The following MAPK8IP1 variants were observed in gnomAD, a reference collection of about 807,000 sequenced individuals.
MAPK8IP1 encodes the protein mitogen-activated protein kinase 8 interacting protein 1.
MAPK8IP1 carries 17 observed loss-of-function variants against 72.6 expected under a neutral mutation model. The ratio of observed to expected loss-of-function variants is 0.23; its 90% confidence interval spans 0.16 to 0.35. The LOEUF (loss-of-function observed/expected upper bound fraction) is 0.35, where lower values mean the gene tolerates loss of function less well. Ranked by LOEUF, MAPK8IP1 falls within the 10% of genes least tolerant of loss-of-function variation. MAPK8IP1 has a pLI of 1.00. For missense variants in MAPK8IP1, 789 were observed against 1,009.7 expected, an observed-to-expected ratio of 0.78 and a Z score of 2.96; for synonymous variants, 401 against 443.4, an observed-to-expected ratio of 0.90 and a Z score of 1.20.
At chr11:45,894,850 T>A (rs1332607521) in intron 1 of MAPK8IP1, among the ~76,000 whole-genome samples, 3 of 151,590 alleles carry the variant, frequency 2.0e-5, no homozygotes, top group Non-Finnish European at 2.9e-5. Context: ...AGCCAGGGGG[T>A]GGGAAGTGGG....
In MAPK8IP1 at chr11:45,902,997, C is replaced by G. The variant is rs1052752321; in HGVS notation, c.1230C>G (p.Ala410=). Residue 410 remains alanine (A), a synonymous_variant, in exon 5 of 12, where the codon GCC becomes GCG. Coordinates refer to ENST00000241014, the MANE Select transcript of MAPK8IP1 (RefSeq NM_005456.4). The surrounding 1 kb of genome is among the most constrained non-coding windows in gnomAD (Gnocchi z 9.3). ...FGDYSDESDS[A]TVYDNCASVS... ...ACTACAGTGACGAGAGTGACTCTGCCACCGTCTATGACAACTGTGCCTCCG... is the reference window on the plus strand; with the variant it reads ...ACTACAGTGACGAGAGTGACTCTGCGACCGTCTATGACAACTGTGCCTCCG... 4 of 1,611,874 alleles carry G rather than the reference C, an allele frequency of 2.5e-6. No individual in the cohort carries two copies. The highest frequency in any genetic ancestry group is 3.4e-6 in the Non-Finnish European group (4 of 1,179,880).
At position 45,903,109 on chromosome 11, in the gene MAPK8IP1, A is replaced by G. The variant is rs1458534055; in HGVS notation, c.1342A>G (p.Thr448Ala). 6 of 1,610,466 alleles carry G rather than the reference A, an allele frequency of 3.7e-6. No homozygotes were observed. The highest frequency in any genetic ancestry group is 5.1e-6 in the Non-Finnish European group (6 of 1,179,152). The change falls in exon 5 of 12, where the codon ACG (threonine) becomes GCG (alanine). Residue 448 changes from threonine (T) to alanine (A), a missense_variant. By Grantham distance (58) the Thr-to-Ala change is moderately conservative. Around this residue, in one of 4 missense-constraint regions of MAPK8IP1, gnomAD observed 377 missense variants for 411.7 expected, o/e 0.92. Transcript: ENST00000241014. This position sits in a 1 kb window ranked among gnomAD's most constrained non-coding sequence, Gnocchi z 6.4. ...CCCTGCCTGCCTCTCCGAGGACTCC[A>G]CGCCTGATGAACCCGACGTCCATTT... Reference protein sequence around the residue: ...QPPACLSEDSTPDEPDVHFSK... With the variant: ...QPPACLSEDSAPDEPDVHFSK...
In MAPK8IP1 at chr11:45,902,157, A is replaced by G; in HGVS notation, c.604+96A>G. The G allele has an allele frequency of 8.4e-7, 1 of 1,186,472 alleles. No individual in the cohort carries two copies. The highest frequency in any genetic ancestry group is 1.3e-6 in the Non-Finnish European group (1 of 790,218). 73.5% of individuals were successfully genotyped at this position (1,186,472 alleles called of 1,614,324 possible). A position where few individuals can be genotyped will look rare whatever the true frequency, so the allele number is the denominator to read the frequency against. On this transcript the variant is annotated intron_variant, in intron 4 of 11. Coordinates refer to ENST00000241014, the MANE Select transcript of MAPK8IP1 (RefSeq NM_005456.4). This position sits in a 1 kb window ranked among gnomAD's most constrained non-coding sequence, Gnocchi z 9.3. ...CCCTACAGTCTCCAAAGGGCTGAGT[A>G]GAGGTGAACTGCCCACCCACATCCC...
chr11:45,889,178 T>C (rs987837252), intron 1 of MAPK8IP1, among the ~76,000 whole-genome samples: 1 of 152,264 alleles, frequency 6.6e-6, no homozygotes, highest in African/African-American at 2.4e-5. Flanking sequence ...CTTATACATA[T>C]AGCCTCAAGG....
chr11:45,893,207 C>T (rs1239750638), intron 1 of MAPK8IP1, among the ~76,000 whole-genome samples: 3 of 151,546 alleles, frequency 2.0e-5, no homozygotes, highest in African/African-American at 7.3e-5. Flanking sequence ...CTTTGCTTTA[C>T]ATACACTTCT....
At position 45,893,830 on chromosome 11, in the gene MAPK8IP1, C is replaced by T. The variant is rs139772789; in HGVS notation, c.102-4255C>T. Among the ~76,000 whole-genome samples the T allele has an allele frequency of 4.9e-3, 742 of 150,928 alleles. 9 individuals carry two copies. Among genetic ancestry groups the T allele is most frequent in the South Asian group, 0.013 (61 of 4,772 alleles). On this transcript the variant is annotated intron_variant, in intron 1 of 11. Transcript: ENST00000241014. ...TCCTCCCTCCTCCTTTCCCTCCCTT[C>T]CCCACATTGACCTTCCATGAGCCTT...
chr11:45,905,872 G>A lies in MAPK8IP1; in HGVS notation c.*151G>A. 1 of 727,732 alleles carries A rather than the reference G, an allele frequency of 1.4e-6. No individual in the cohort carries two copies. Among genetic ancestry groups the A allele is most frequent in the Non-Finnish European group, 2.4e-6 (1 of 408,844 alleles). 45.1% of individuals were successfully genotyped at this position (727,732 alleles called of 1,614,324 possible). ...CCGCTGGCCCAGGGTAGGGGAGGGT[G>A]GGGCAATGGGGAGAGGCAAATGCAG... On this transcript the variant is annotated 3_prime_UTR_variant, in exon 12 of 12. Transcript: ENST00000241014.
chr11:45,902,341 C>A lies in MAPK8IP1; in HGVS notation c.605-31C>A. On this transcript the variant is annotated intron_variant, in intron 4 of 11. Transcript: ENST00000241014. The surrounding 1 kb of genome is among the most constrained non-coding windows in gnomAD (Gnocchi z 9.3). ...CAGGTAGCTGGGAGTTGGGAGAGAG[C>A]CCCTGCCTTCATGACCTGCCTGCTC... 6 of 1,514,272 alleles carry A rather than the reference C, an allele frequency of 4.0e-6. No homozygotes were observed. In the South Asian group the frequency reaches 7.2e-5, roughly 18 times the overall value. The allele number at this position is 1,514,272 out of a possible 1,614,324, so 93.8% of individuals were successfully genotyped here. A position where few individuals can be genotyped will look rare whatever the true frequency, so the allele number is the denominator to read the frequency against.
intron 1 of MAPK8IP1, among the ~76,000 whole-genome samples, chr11:45,891,042 G>A (rs553550157): frequency 2.6e-5 from 4 of 152,196 alleles, no homozygotes; most frequent in Non-Finnish European, 5.9e-5. Context: ...CCTTGGCCTG[G>A]CTCCTGATGG....
intron 1 of MAPK8IP1, among the ~76,000 whole-genome samples, chr11:45,891,446 G>C (rs1253153748): frequency 1.3e-5 from 2 of 152,180 alleles, no homozygotes; most frequent in Non-Finnish European, 2.9e-5. Flanking sequence ...GGTGTGCAGG[G>C]TTTTGGGCTT....
At position 45,903,890 on chromosome 11, in the gene MAPK8IP1, T is replaced by C; in HGVS notation, c.1494-99T>C. The stretch of plus-strand genomic sequence containing the variant: ...CACACAGGATGCTTTTGCAAATGTT[T>C]ACTGAAATAACGATGCTGCTGTGGC... On this transcript the variant is annotated intron_variant, in intron 6 of 11. Transcript: ENST00000241014. The surrounding 1 kb of genome is among the most constrained non-coding windows in gnomAD (Gnocchi z 6.4). 1 of 1,144,204 alleles carries C rather than the reference T, an allele frequency of 8.7e-7. No homozygotes were observed. The highest frequency in any genetic ancestry group is 1.2e-5 in the South Asian group (1 of 81,140). 70.9% of individuals were successfully genotyped at this position (1,144,204 alleles called of 1,614,324 possible).
In MAPK8IP1 at chr11:45,903,975, C is replaced by T. The variant is rs370124285; in HGVS notation, c.1494-14C>T. ...CTTGGTGCCGAATTTCTCACCTGTC[C>T]TTGCTGGGGACAGGTTTGTGCCTCG... On this transcript the variant is annotated splice_polypyrimidine_tract_variant and intron_variant, in intron 6 of 11. Coordinates refer to ENST00000241014, the MANE Select transcript of MAPK8IP1 (RefSeq NM_005456.4). The surrounding 1 kb of genome is among the most constrained non-coding windows in gnomAD (Gnocchi z 6.4). The T allele has an allele frequency of 9.3e-6, 15 of 1,612,388 alleles. No homozygotes were observed. The African/African-American group carries it at 1.9e-4, about 20-fold the overall frequency.
At position 45,900,177 on chromosome 11, in the gene MAPK8IP1, G is replaced by A; in HGVS notation, c.247G>A (p.Ala83Thr). Reference sequence around the variant, plus strand: ...GCTGCTCTCTGCGGGCGGCGGCGGCGCGGGGAGCCGGTTGCAGGCCGAGAT... The same window carrying A: ...GCTGCTCTCTGCGGGCGGCGGCGGCACGGGGAGCCGGTTGCAGGCCGAGAT... ...AGLLSAGGGG[A>T]GSRLQAEMLQ... Residue 83 changes from alanine (A) to threonine (T), a missense_variant, in exon 3 of 12, where the codon GCG becomes ACG. By Grantham distance (58) the Ala-to-Thr change is moderately conservative (BLOSUM62 0). Transcript: ENST00000241014. This position sits in a 1 kb window ranked among gnomAD's most constrained non-coding sequence, Gnocchi z 6.5. 3.8e-6 allele frequency: 5 copies of A among 1,312,854 alleles called. No individual in the cohort carries two copies. Among genetic ancestry groups the A allele is most frequent in the Non-Finnish European group, 4.8e-6 (5 of 1,038,126 alleles). 81.3% of individuals were successfully genotyped at this position (1,312,854 alleles called of 1,614,324 possible). A position where few individuals can be genotyped will look rare whatever the true frequency, so the allele number is the denominator to read the frequency against.
chr11:45,904,289 CT>C lies in MAPK8IP1; in HGVS notation c.1666+132del. The C allele has an allele frequency of 7.9e-7, 1 of 1,265,916 alleles. No individual in the cohort carries two copies. Among genetic ancestry groups the C allele is most frequent in the Non-Finnish European group, 1.1e-6 (1 of 888,606 alleles). The allele number at this position is 1,265,916 out of a possible 1,614,324, so 78.4% of individuals were successfully genotyped here. ...GGCTGAGTGGAAGTGATTTTAGGTC[CT>C]TTTCACGATCAAGCAAAGTGAGGCC... is the stretch of plus-strand genomic sequence containing the variant. On this transcript the variant is annotated intron_variant, in intron 7 of 11. Coordinates refer to ENST00000241014, the MANE Select transcript of MAPK8IP1 (RefSeq NM_005456.4). This position sits in a 1 kb window ranked among gnomAD's most constrained non-coding sequence, Gnocchi z 6.4.
intron 1 of MAPK8IP1, among the ~76,000 whole-genome samples, chr11:45,889,299 T>G (rs2134664514): frequency 6.6e-6 from 1 of 152,346 alleles, no homozygotes; most frequent in South Asian, 2.1e-4. Context: ...ATGTTGGTGC[T>G]CAAACATTTA....
chr11:45,891,989 C>G (rs758615662), intron 1 of MAPK8IP1, among the ~76,000 whole-genome samples: 11 of 152,222 alleles, frequency 7.2e-5, no homozygotes, highest in African/African-American at 9.6e-5. Context: ...AGAGTTCTTG[C>G]AATGTATCAG....
Position 45,893,705 on chromosome 11 carries a change from C to A in MAPK8IP1, c.102-4380C>A, listed in dbSNP as rs2086583289. 2.0e-5 allele frequency among the ~76,000 whole-genome samples: 3 copies of A among 152,086 alleles called. No individual in the cohort carries two copies. In the South Asian group the frequency reaches 6.2e-4, roughly 32 times the overall value. ...GGGCCGTAGGATTCAGTTTGGAGGC[C>A]TCCTGGTGCTAAGGCTGCCATGAGC... On this transcript the variant is annotated intron_variant, in intron 1 of 11. Coordinates refer to ENST00000241014, the MANE Select transcript of MAPK8IP1 (RefSeq NM_005456.4).
intron 1 of MAPK8IP1, among the ~76,000 whole-genome samples, chr11:45,897,535 T>A (rs1219963812): frequency 6.6e-6 from 1 of 152,226 alleles, no homozygotes; most frequent in Admixed American, 6.5e-5. Flanking sequence ...GAGTCCTTTC[T>A]GGAATAGGCT....
chr11:45,901,934 C>T, intron 3 of MAPK8IP1, 46 bp from the exon 4 acceptor site: 1 of 1,464,430 alleles, frequency 6.8e-7, no homozygotes, highest in Non-Finnish European at 9.6e-7. Flanking sequence ...CTGTGCCGGG[C>T]ACTGTTGACC....
Sources: gnomAD v4.1 joint callset for allele counts (sites outside exome capture counted in the v4.1 genomes callset) on GRCh38, gnomAD v4.1.1 for gene constraint, gnomAD v4.1.1 regional missense constraint, Gnocchi (gnomAD v3.1) non-coding constraint, MANE v1.5 for transcripts, NCBI Gene and HGNC (gene_info 2026-07-23, HGNC 2026-07-21) for gene names.